PRDM7: variants seen among roughly 807,000 people sequenced by gnomAD.
PRDM7 encodes the protein histone-lysine N-methyltransferase PRDM7.
Under a neutral mutation model 64.3 loss-of-function variants are expected in PRDM7, and 52 were observed. The observed-to-expected ratio is 0.81, with a 90% CI of 0.65 to 1.02. The LOEUF (loss-of-function observed/expected upper bound fraction) is 1.02, where lower values mean the gene tolerates loss of function less well. PRDM7 is among the 50% of genes least tolerant of loss of function. The pLI is 0.00. For synonymous variants in PRDM7, 192 were observed against 210.1 expected (o/e 0.91, Z 0.74); for missense variants, 574 against 597.1 (o/e 0.96, Z 0.40).
chr16:90,075,880 G>T lies in PRDM7; in HGVS notation c.31C>A (p.Pro11Thr), dbSNP rs373768699. The T allele has an allele frequency of 2.5e-6, 4 of 1,614,022 alleles. No individual in the cohort carries two copies. In the Admixed American group the frequency reaches 6.7e-5, roughly 27 times the overall value. ...TCTGTTCTCTCTGTGTCTCCTTCTG[G>T]GCTCTCCTCTTGGGACCTTTCAGGG... Reference protein sequence around the residue: MSPERSQEESPEGDTERTERK... With the variant: MSPERSQEESTEGDTERTERK... The change falls in exon 2 of 11, where the codon CCA becomes ACA. Residue 11 changes from proline (P) to threonine (T), a missense_variant. By Grantham distance (38) the Pro-to-Thr change is conservative. Coordinates refer to ENST00000449207, the MANE Select transcript of PRDM7 (RefSeq NM_001098173.2). The surrounding 1 kb of genome is among the most constrained non-coding windows in gnomAD (Gnocchi z 4.3).
chr16:90,075,831 C>G lies in PRDM7; in HGVS notation c.69+11G>C. ...TGCTGGGAGTCTGGCTTCGCCTCCCCGACTTCTCACCATGGGCTTCCGCTC... is the reference window on the plus strand; with the variant it reads ...TGCTGGGAGTCTGGCTTCGCCTCCCGGACTTCTCACCATGGGCTTCCGCTC... On this transcript the variant is annotated intron_variant, in intron 2 of 10. Coordinates refer to ENST00000449207, the MANE Select transcript of PRDM7 (RefSeq NM_001098173.2). This position sits in a 1 kb window ranked among gnomAD's most constrained non-coding sequence, Gnocchi z 4.3. 1.9e-6 allele frequency: 3 copies of G among 1,613,332 alleles called. No individual in the cohort carries two copies. The highest frequency in any genetic ancestry group is 1.7e-6 in the Non-Finnish European group (2 of 1,179,642).
rs113721022 is a variant in PRDM7 at position 90,057,143 on chromosome 16, C to T, written c.*1146G>A. On this transcript the variant is annotated 3_prime_UTR_variant, in exon 11 of 11. Coordinates refer to ENST00000449207, the MANE Select transcript of PRDM7 (RefSeq NM_001098173.2). ...ATGCAGGCTTAACACACATAGCACA[C>T]GTGAACACATATATACACACATGCG... is the stretch of plus-strand genomic sequence containing the variant. The T allele has an allele frequency of 7.7e-3, 1,179 of 152,836 alleles. 7 individuals are homozygous for T. The highest frequency in any genetic ancestry group is 0.019 in the East Asian group (97 of 5,188). The allele number at this position is 152,836 out of a possible 1,614,324, so 9.5% of individuals were successfully genotyped here.
rs2038018867 is a variant in PRDM7 at position 90,075,185 on chromosome 16, C to A, written c.194-162G>T. On this transcript the variant is annotated intron_variant, in intron 3 of 10. Coordinates refer to ENST00000449207, the MANE Select transcript of PRDM7 (RefSeq NM_001098173.2). This position sits in a 1 kb window ranked among gnomAD's most constrained non-coding sequence, Gnocchi z 4.3. Reference sequence around the variant, plus strand: ...GTGACCTCTGCATGGTCAGTATCCACACACAACCCTGCACTGACGCAAAAG... The same window carrying A: ...GTGACCTCTGCATGGTCAGTATCCAAACACAACCCTGCACTGACGCAAAAG... Among the ~76,000 whole-genome samples the A allele has an allele frequency of 6.6e-6, 1 of 152,216 alleles. No individual in the cohort carries two copies. The highest frequency in any genetic ancestry group is 2.4e-5 in the African/African-American group (1 of 41,458).
In PRDM7 at chr16:90,060,448, A is replaced by G; in HGVS notation, c.1126T>C (p.Ser376Pro). Residue 376 changes from serine (S) to proline (P), a missense_variant, in exon 10 of 11, where the codon TCA (serine) becomes CCA (proline). Ser to Pro is a moderately conservative substitution (Grantham distance 74). Transcript: ENST00000449207. ...GIRSSIEPAE[S>P]LGQAVNCWSG... ...CAGCAGTTCACAGCCTGGCCTAATG[A>G]CTCGGCAGGTTCTATAGAAGATCTG... is the stretch of plus-strand genomic sequence containing the variant. 2.5e-6 allele frequency: 4 copies of G among 1,612,722 alleles called. No homozygotes were observed. Among genetic ancestry groups the G allele is most frequent in the Non-Finnish European group, 3.4e-6 (4 of 1,179,738 alleles).
At chr16:90,071,710 C>T (rs1227483497) in intron 4 of PRDM7, among the ~76,000 whole-genome samples, 1 of 152,198 alleles carries the variant, frequency 6.6e-6, no homozygotes, top group Non-Finnish European at 1.5e-5. Context: ...CTTAAAGGCT[C>T]CACCTCTTAA....
intron 6 of PRDM7, among the ~76,000 whole-genome samples, chr16:90,063,402 C>A (rs1597685223): frequency 6.6e-6 from 1 of 152,162 alleles, no homozygotes; most frequent in East Asian, 1.9e-4. Flanking sequence ...CTCACCATTG[C>A]ACTCCAGCCT....
chr16:90,064,434 A>G (rs983146941), intron 5 of PRDM7, among the ~76,000 whole-genome samples: 2 of 151,264 alleles, frequency 1.3e-5, no homozygotes, highest in African/African-American at 4.9e-5. Flanking sequence ...TTTGTTTTGA[A>G]AAGGAGTCTT....
intron 1 of PRDM7, among the ~76,000 whole-genome samples, chr16:90,076,630 A>G (rs2038040747): frequency 6.6e-6 from 1 of 151,850 alleles, no homozygotes; most frequent in South Asian, 2.1e-4. Flanking sequence ...GGCTGATAGT[A>G]TTTGTGGTTT....
In PRDM7 at chr16:90,062,097, T is replaced by C; in HGVS notation, c.706A>G (p.Asn236Asp). Residue 236 changes from asparagine to aspartate, a missense_variant, in exon 8 of 11, where the codon AAC (asparagine) becomes GAC (aspartate). Asn to Asp is a conservative substitution (Grantham distance 23, BLOSUM62 1). Transcript: ENST00000449207. ...GGGGGCAGACTGAGGGCTGAACGGTTGGGATGCCCCTTGTCCACTGCACTG... is the reference window on the plus strand; with the variant it reads ...GGGGGCAGACTGAGGGCTGAACGGTCGGGATGCCCCTTGTCCACTGCACTG... The part of the protein sequence containing the change: ...KDSAVDKGHP[N>D]RSALSLPPGL... 1.2e-6 allele frequency: 2 copies of C among 1,614,232 alleles called. No individual in the cohort carries two copies. Among genetic ancestry groups the C allele is most frequent in the Non-Finnish European group, 1.7e-6 (2 of 1,180,038 alleles).
At chr16:90,069,234 A>G (rs890160634) in intron 4 of PRDM7, among the ~76,000 whole-genome samples, 2 of 151,260 alleles carry the variant, frequency 1.3e-5, no homozygotes, top group South Asian at 2.1e-4. Flanking sequence ...ATCTTCAGCA[A>G]TGATGCCAAG....
intron 10 of PRDM7, 108 bp downstream of exon 10, chr16:90,060,233 T>G (rs2037748585): frequency 6.6e-7 from 1 of 1,525,430 alleles, no homozygotes; most frequent in Non-Finnish European, 8.9e-7. Context: ...ATGTAAAATT[T>G]TACTGACTTT....
At chr16:90,076,596 G>T (rs1204128082) in intron 1 of PRDM7, among the ~76,000 whole-genome samples, 3 of 152,080 alleles carry the variant, frequency 2.0e-5, no homozygotes, top group Non-Finnish European at 2.9e-5. Flanking sequence ...AGTATCTTGA[G>T]CTGAGGAGCT....
At position 90,062,209 on chromosome 16, in the gene PRDM7, C is replaced by G. The variant is rs747941235; in HGVS notation, c.611-17G>C. The G allele has an allele frequency of 1.2e-6, 2 of 1,614,262 alleles. No individual in the cohort carries two copies. Among genetic ancestry groups the G allele is most frequent in the Admixed American group, 1.7e-5 (1 of 60,036 alleles). The stretch of plus-strand genomic sequence containing the variant: ...TCTCACAATCTGGAAGTGAGGGAAG[C>G]AGGGATTAGGAAAGTTGTAATGCAT... On this transcript the variant is annotated splice_polypyrimidine_tract_variant and intron_variant, in intron 7 of 10. Coordinates refer to ENST00000449207, the MANE Select transcript of PRDM7 (RefSeq NM_001098173.2).
intron 4 of PRDM7, among the ~76,000 whole-genome samples, chr16:90,071,027 A>G (rs997438129): frequency 2.0e-5 from 3 of 152,230 alleles, no homozygotes; most frequent in African/African-American, 7.2e-5. Flanking sequence ...GAAAATAGCA[A>G]TGTTGGCGAA....
intron 4 of PRDM7, among the ~76,000 whole-genome samples, chr16:90,071,677 G>A (rs1472473172): frequency 6.6e-6 from 1 of 152,106 alleles, no homozygotes; most frequent in East Asian, 1.9e-4. Context: ...CATGAGGTTG[G>A]AGCTATCATT....
rs952261553 is a variant in PRDM7, at chr16:90,072,944, G to A, written c.301+1972C>T. On this transcript the variant is annotated intron_variant, in intron 4 of 10. Coordinates refer to ENST00000449207, the MANE Select transcript of PRDM7 (RefSeq NM_001098173.2). ...TCTCAAATCCACAGATGGGGAAATC[G>A]TAGACCCAATCCAAGTTGCTTTCTC... 3.9e-5 allele frequency among the ~76,000 whole-genome samples: 6 copies of A among 152,164 alleles called. No individual in the cohort carries two copies. The East Asian group carries it at 9.6e-4, about 24-fold the overall frequency.
intron 4 of PRDM7, among the ~76,000 whole-genome samples, chr16:90,070,536 A>G (rs1234893016): frequency 6.6e-6 from 1 of 151,130 alleles, no homozygotes; most frequent in African/African-American, 2.5e-5. Context: ...GTGAGCCGAG[A>G]TTGCACCACT....
At position 90,075,824 on chromosome 16, in the gene PRDM7, G is replaced by A. The variant is rs541405848; in HGVS notation, c.69+18C>T. On this transcript the variant is annotated intron_variant, in intron 2 of 10. Coordinates refer to ENST00000449207, the MANE Select transcript of PRDM7 (RefSeq NM_001098173.2). The surrounding 1 kb of genome is among the most constrained non-coding windows in gnomAD (Gnocchi z 4.3). Reference sequence around the variant, plus strand: ...CAGCTCCTGCTGGGAGTCTGGCTTCGCCTCCCCGACTTCTCACCATGGGCT... The same window carrying A: ...CAGCTCCTGCTGGGAGTCTGGCTTCACCTCCCCGACTTCTCACCATGGGCT... The A allele has an allele frequency of 6.8e-6, 11 of 1,612,348 alleles. No individual in the cohort carries two copies. The South Asian group carries it at 8.8e-5, about 13-fold the overall frequency.
At chr16:90,062,356 A>C in intron 7 of PRDM7, 45 bp downstream of exon 7, 1 of 1,613,820 alleles carries the variant, frequency 6.2e-7, no homozygotes, top group South Asian at 1.1e-5. Context: ...TTATTGTACC[A>C]GGACATAACA....
Sources: gnomAD v4.1 joint callset for allele counts (sites outside exome capture counted in the v4.1 genomes callset) on GRCh38, gnomAD v4.1.1 for gene constraint, Gnocchi (gnomAD v3.1) non-coding constraint, MANE v1.5 for transcripts, NCBI Gene and HGNC (gene_info 2026-07-23, HGNC 2026-07-21) for gene names.